The following LIPN variants were observed in gnomAD, a reference collection of about 807,000 sequenced individuals.
The protein encoded by LIPN is lipase family member N.
A neutral mutation model predicts 43.7 loss-of-function variants in LIPN; 32 were observed. The observed-to-expected ratio is 0.73, with a 90% CI of 0.55 to 0.98. LIPN has a LOEUF of 0.98. Among genes scored for constraint, LIPN ranks in the 50% least tolerant of loss-of-function variants. The pLI is 0.00. For synonymous variants in LIPN, 156 were observed against 157.6 expected (o/e 0.99, Z 0.08); for missense variants, 505 against 483.8 (o/e 1.04, Z -0.41).
At chr10:88,760,148 G>T (rs1437058967) in intron 1 of LIPN, among the ~76,000 whole-genome samples, 42 bp downstream of exon 1, 2 of 152,086 alleles carry the variant, frequency 1.3e-5, no homozygotes, top group Non-Finnish European at 2.9e-5. Context: ...AGGTTGGAAG[G>T]TGCCAGTTGC....
At chr10:88,765,046 A>C (rs958350386) in intron 4 of LIPN, among the ~76,000 whole-genome samples, 5 of 151,994 alleles carry the variant, frequency 3.3e-5, no homozygotes, top group Non-Finnish European at 7.4e-5. Context: ...CTGGATGGCC[A>C]ATCAACTGTG....
intron 7 of LIPN, 69 bp from the exon 8 acceptor site, chr10:88,774,403 AT>A: frequency 2.1e-6 from 2 of 935,044 alleles, no homozygotes; most frequent in Non-Finnish European, 3.5e-6. Flanking sequence ...TCTGTGCATC[AT>A]TTTTCTCTGA....
In LIPN at chr10:88,761,441, C is replaced by A. The variant is rs1842994691; in HGVS notation, c.36C>A (p.Ile12=). 1.2e-6 allele frequency: 2 copies of A among 1,612,184 alleles called. No individual in the cohort carries two copies. Among genetic ancestry groups the A allele is most frequent in the African/African-American group, 2.7e-5 (2 of 74,808 alleles). The part of the protein sequence containing the change: ...MWLLLTTTCL[I]CGTLNAGGFL... ...TGCTTTTAACAACAACTTGTTTGAT[C>A]TGTGGAACTTTAAATGCTGGTGGAT... is the stretch of plus-strand genomic sequence containing the variant. Residue 12 remains isoleucine, a synonymous_variant, in exon 2 of 10, where the codon ATC becomes ATA. Transcript: ENST00000404459.
At chr10:88,767,455 C>G (rs1002964182) in intron 5 of LIPN, among the ~76,000 whole-genome samples, 2 of 151,466 alleles carry the variant, frequency 1.3e-5, no homozygotes, top group African/African-American at 4.8e-5. Flanking sequence ...TTCAAAACAA[C>G]CCGAATGTTA....
rs888068126 is a variant in LIPN at position 88,764,433 on chromosome 10, C to T, written c.250C>T (p.Gln84Ter). The T allele has an allele frequency of 1.2e-6, 2 of 1,611,834 alleles. No homozygotes were observed. The highest frequency in any genetic ancestry group is 1.7e-6 in the Non-Finnish European group (2 of 1,178,702). ...STGPRPVVYMQHALFADNAYW... is the reference protein window; with the variant it reads ...STGPRPVVYM Reference sequence around the variant, plus strand: ...AGGTCCCCGGCCAGTTGTGTATATGCAGCATGCCCTGTTTGCAGACAATGC... The same window carrying T: ...AGGTCCCCGGCCAGTTGTGTATATGTAGCATGCCCTGTTTGCAGACAATGC... The change falls in exon 4 of 10, where the codon CAG becomes TAG. Residue 84 changes from glutamine (Q) to a stop codon, truncating the protein, a stop_gained. Coordinates refer to ENST00000404459, the MANE Select transcript of LIPN (RefSeq NM_001102469.2). LOFTEE classifies it high-confidence loss of function.
upstream of LIPN, among the ~76,000 whole-genome samples, chr10:88,758,558 G>T (rs422360): frequency 0.24 from 35,400 of 147,992 alleles, 4,373 homozygotes; most frequent in East Asian, 0.37. Flanking sequence ...ATATATTACA[G>T]AATATATTAT....
At chr10:88,775,872 A>T (rs1229523322) in intron 9 of LIPN, among the ~76,000 whole-genome samples, 2 of 151,672 alleles carry the variant, frequency 1.3e-5, no homozygotes, top group Admixed American at 1.3e-4. Flanking sequence ...GCAACTATAG[A>T]TTATTAATAA....
intron 9 of LIPN, among the ~76,000 whole-genome samples, chr10:88,777,343 C>A (rs1484582281): frequency 2.0e-5 from 3 of 152,092 alleles, no homozygotes; most frequent in Non-Finnish European, 4.4e-5. Flanking sequence ...AACTCTCTTT[C>A]TTCCTTGGAG....
In LIPN at chr10:88,774,445, G is replaced by C. The variant is rs774044173; in HGVS notation, c.820-28G>C. On this transcript the variant is annotated intron_variant, in intron 7 of 9. Transcript: ENST00000404459. ...AAAGGCAAAATTTTGTTGGGCAATTGCTGTAATATGAGTTTTATCTCCTTT... is the reference window on the plus strand; with the variant it reads ...AAAGGCAAAATTTTGTTGGGCAATTCCTGTAATATGAGTTTTATCTCCTTT... 3 of 1,550,132 alleles carry C rather than the reference G, an allele frequency of 1.9e-6. No individual in the cohort carries two copies. In the South Asian group the frequency reaches 3.5e-5, roughly 18 times the overall value.
chr10:88,774,659 T>C (rs868821635), intron 8 of LIPN, 115 bp downstream of exon 8: 7 of 814,214 alleles, frequency 8.6e-6, no homozygotes, highest in Middle Eastern at 6.5e-4. Context: ...TGCTTCCAGT[T>C]TGTCCTTGCT....
At chr10:88,768,080 G>C (rs1185151449) in intron 5 of LIPN, among the ~76,000 whole-genome samples, 1 of 149,336 alleles carries the variant, frequency 6.7e-6, no homozygotes, top group Non-Finnish European at 1.5e-5. Flanking sequence ...GGAGGCCCAG[G>C]AAGGGACCTC....
chr10:88,777,047 T>C (rs539515359), intron 9 of LIPN, among the ~76,000 whole-genome samples: 1 of 152,214 alleles, frequency 6.6e-6, no homozygotes, highest in East Asian at 1.9e-4. Context: ...TACTTACTCC[T>C]TAACCTTGTA....
intron 3 of LIPN, among the ~76,000 whole-genome samples, chr10:88,762,801 C>T (rs1451588093): frequency 6.6e-6 from 1 of 151,992 alleles, no homozygotes; most frequent in African/African-American, 2.4e-5. Context: ...GACTGAAAAC[C>T]TTAACATCCA....
At position 88,767,827 on chromosome 10, in the gene LIPN, G is replaced by T. The variant is rs141355360; in HGVS notation, c.536-965G>T. 1.7e-4 allele frequency among the ~76,000 whole-genome samples: 26 copies of T among 151,752 alleles called. No homozygotes were observed. In the East Asian group the frequency reaches 4.7e-3, roughly 27 times the overall value. On this transcript the variant is annotated intron_variant, in intron 5 of 9. Transcript: ENST00000404459. ...CCACTCTTTGTAGGACATTTAGTAG[G>T]TCCCAGCCCATTAAACAGGGCTCTG...
Position 88,774,375 on chromosome 10 carries a change from C to G in LIPN, c.820-98C>G. 7.1e-6 allele frequency: 5 copies of G among 707,164 alleles called. No homozygotes were observed. The South Asian group carries it at 8.6e-5, about 12-fold the overall frequency. 43.8% of individuals were successfully genotyped at this position (707,164 alleles called of 1,614,324 possible). A position where few individuals can be genotyped will look rare whatever the true frequency, so the allele number is the denominator to read the frequency against. On this transcript the variant is annotated intron_variant, in intron 7 of 9. Coordinates refer to ENST00000404459, the MANE Select transcript of LIPN (RefSeq NM_001102469.2). ...ATTCTACCTTGTTATTTTCAAAGCC[C>G]CAGTCTTGTTTGCTAATTCTGTGCA... is the stretch of plus-strand genomic sequence containing the variant.
At chr10:88,758,195 A>G (rs1202191083), upstream of LIPN, among the ~76,000 whole-genome samples, 1 of 152,114 alleles carries the variant, frequency 6.6e-6, no homozygotes, top group Non-Finnish European at 1.5e-5. Context: ...TCCCAAAGTC[A>G]AGGATCTATG....
chr10:88,770,880 T>A lies in LIPN; in HGVS notation c.708T>A (p.Asp236Glu), dbSNP rs549219679. ...GTACCAAAGGTTTCTTTTTAGAAGA[T>A]AAGAAAACGAAGATAGCTTCTACCA... ...VFGTKGFFLE[D>E]KKTKIASTKI... Residue 236 changes from aspartate to glutamate, a missense_variant, in exon 7 of 10, where the codon GAT becomes GAA. By Grantham distance (45) the Asp-to-Glu change is conservative. Transcript: ENST00000404459. The A allele has an allele frequency of 6.5e-7, 1 of 1,535,852 alleles. No individual in the cohort carries two copies. The highest frequency in any genetic ancestry group is 1.2e-5 in the South Asian group (1 of 82,416).
intron 6 of LIPN, chr10:88,769,704 G>C (rs1291227169): frequency 2.4e-6 from 1 of 417,058 alleles, no homozygotes; most frequent in Non-Finnish European, 3.2e-6. Context: ...TGAGACGTTG[G>C]TTTGGGGTAG....
chr10:88,766,478 T>G, intron 5 of LIPN, 100 bp downstream of exon 5: 1 of 771,894 alleles, frequency 1.3e-6, no homozygotes, highest in Admixed American at 1.8e-5. Flanking sequence ...CAACTGTTAC[T>G]TATAGTGCCC....
Sources: gnomAD v4.1 joint callset for allele counts (sites outside exome capture counted in the v4.1 genomes callset) on GRCh38, gnomAD v4.1.1 for gene constraint, MANE v1.5 for transcripts, NCBI Gene and HGNC (gene_info 2026-07-23, HGNC 2026-07-21) for gene names.